SYBU: variants seen among roughly 807,000 people sequenced by gnomAD.
SYBU encodes GOLSYN A protein.
A neutral mutation model predicts 35.9 loss-of-function variants in SYBU; 21 were observed. The ratio of observed to expected loss-of-function variants is 0.58; its 90% CI spans 0.41 to 0.84. The LOEUF is 0.84. Ranked by LOEUF, SYBU falls within the 40% of genes least tolerant of loss-of-function variation. The probability of loss-of-function intolerance (pLI) is 0.00; values close to 1 mark genes in which losing one functional copy is unlikely to be tolerated. For synonymous variants in SYBU, 319 were observed against 324.3 expected (o/e 0.98, Z 0.18); for missense variants, 768 against 848.2 (o/e 0.91, Z 1.17).
intron 6 of SYBU, among the ~76,000 whole-genome samples, chr8:109,577,041 G>A (rs942571926): frequency 6.6e-6 from 1 of 152,164 alleles, no homozygotes; most frequent in Non-Finnish European, 1.5e-5. Flanking sequence ...TCAGACAGAT[G>A]ATGAGCCAGA....
In SYBU at chr8:109,574,972, C is replaced by G; in HGVS notation, c.1926G>C (p.Leu642Phe). The G allele has an allele frequency of 4.6e-6, 7 of 1,528,348 alleles. No individual in the cohort carries two copies. The highest frequency in any genetic ancestry group is 5.3e-6 in the Non-Finnish European group (6 of 1,138,276). 94.7% of individuals were successfully genotyped at this position (1,528,348 alleles called of 1,614,324 possible). A position where few individuals can be genotyped will look rare whatever the true frequency, so the allele number is the denominator to read the frequency against. Residue 642 changes from leucine (L) to phenylalanine (F), a missense_variant, in exon 7 of 7, where the codon TTG becomes TTC. Coordinates refer to ENST00000276646, the MANE Select transcript of SYBU (RefSeq NM_001099754.2). ...GGGCAACCACGCAACAGCCCCTGAGCAAGGCCCCGATGTTATACACAGGAT... is the reference window on the plus strand; with the variant it reads ...GGGCAACCACGCAACAGCCCCTGAGGAAGGCCCCGATGTTATACACAGGAT... ...GTDPVYNIGALLRGCCVVALH... is the reference protein window; with the variant it reads ...GTDPVYNIGAFLRGCCVVALH...
At chr8:109,657,365 A>C (rs551309883) in intron 1 of SYBU, among the ~76,000 whole-genome samples, 1 of 152,272 alleles carries the variant, frequency 6.6e-6, no homozygotes, top group African/African-American at 2.4e-5. Context: ...CTTCCTTTTA[A>C]ATCAGAAAGA....
intron 1 of SYBU, among the ~76,000 whole-genome samples, chr8:109,665,795 C>A (rs569513050): frequency 1.3e-5 from 2 of 152,338 alleles, no homozygotes; most frequent in African/African-American, 4.8e-5. Context: ...TCTCTTCACA[C>A]TTCATCACAT....
chr8:109,600,293 G>A (rs969849420), intron 3 of SYBU, among the ~76,000 whole-genome samples: 11 of 152,090 alleles, frequency 7.2e-5, no homozygotes, highest in South Asian at 2.1e-4. Flanking sequence ...TGCCCTTTAG[G>A]TTGGATTGAC....
intron 2 of SYBU, among the ~76,000 whole-genome samples, chr8:109,638,889 C>G (rs534402798): frequency 3.9e-4 from 60 of 152,028 alleles, no homozygotes; most frequent in African/African-American, 1.4e-3. Flanking sequence ...TTAAAAAAAA[C>G]AAAGCTCTTT....
At chr8:109,599,744 A>C (rs1261974237) in intron 3 of SYBU, among the ~76,000 whole-genome samples, 2 of 152,186 alleles carry the variant, frequency 1.3e-5, no homozygotes, top group African/African-American at 4.8e-5. Flanking sequence ...TCATTAGGCA[A>C]TTCCCTTGTT....
In SYBU at chr8:109,594,806, C is replaced by G. The variant is rs544847681; in HGVS notation, c.428-8644G>C. 5.3e-5 allele frequency among the ~76,000 whole-genome samples: 8 copies of G among 152,300 alleles called. No homozygotes were observed. The South Asian group carries it at 1.7e-3, about 32-fold the overall frequency. ...ACTGGACTCAACCATGCTCCCCTTC[C>G]AATATCTTGACATGCTTTCACCCTC... On this transcript the variant is annotated intron_variant, in intron 3 of 6. Transcript: ENST00000276646.
At chr8:109,651,304 A>G (rs1816124473) in intron 1 of SYBU, among the ~76,000 whole-genome samples, 1 of 152,216 alleles carries the variant, frequency 6.6e-6, no homozygotes, top group African/African-American at 2.4e-5. Context: ...AAGCCCAGCT[A>G]CCAGCTTGCC....
intron 1 of SYBU, 53 bp downstream of exon 1, chr8:109,644,583 G>T (rs1563759007): frequency 3.5e-5 from 54 of 1,528,144 alleles, no homozygotes; most frequent in Non-Finnish European, 4.6e-5. Context: ...TTCTCGCCCC[G>T]CAGTGCCCGC....
intron 2 of SYBU, among the ~76,000 whole-genome samples, chr8:109,641,134 A>G (rs563039027): frequency 4.6e-5 from 7 of 152,298 alleles, no homozygotes; most frequent in African/African-American, 1.7e-4. Flanking sequence ...ACTCCTTTAA[A>G]TTTTACCCAA....
intron 2 of SYBU, among the ~76,000 whole-genome samples, chr8:109,637,336 T>C (rs1443928359): frequency 3.3e-5 from 5 of 152,212 alleles, no homozygotes. Flanking sequence ...CTTTCAGACA[T>C]AGTCCAATTC....
intron 3 of SYBU, among the ~76,000 whole-genome samples, chr8:109,615,831 T>A (rs1445067944): frequency 6.6e-6 from 1 of 152,014 alleles, no homozygotes; most frequent in Non-Finnish European, 1.5e-5. Flanking sequence ...TGAAATGGTA[T>A]GTGATATTTT....
Position 109,575,569 on chromosome 8 carries a change from A to G in SYBU, c.1329T>C (p.Asp443=). The G allele has an allele frequency of 6.2e-7, 1 of 1,610,784 alleles. No homozygotes were observed. The highest frequency in any genetic ancestry group is 1.1e-5 in the South Asian group (1 of 91,004). Residue 443 remains aspartate, a synonymous_variant, in exon 7 of 7, where the codon GAT becomes GAC. Coordinates refer to ENST00000276646, the MANE Select transcript of SYBU (RefSeq NM_001099754.2). ...DSIANSTDLF[D]EIVTATTTES... ...CTGTGGTGGTGGCTGTCACTATCTC[A>G]TCGAACAAATCTGTGCTGTTGGCTA...
At chr8:109,585,931 CA>C (rs1823561959) in intron 4 of SYBU, 128 bp downstream of exon 4, 2 of 679,308 alleles carry the variant, frequency 2.9e-6, no homozygotes, top group Admixed American at 3.0e-5. Flanking sequence ...TGTAAAAAAA[CA>C]AAACAAAAAG....
intron 2 of SYBU, among the ~76,000 whole-genome samples, chr8:109,641,723 C>T (rs2130631008): frequency 6.6e-6 from 1 of 152,250 alleles, no homozygotes; most frequent in Admixed American, 6.5e-5. Context: ...AAATTCAATC[C>T]AATATTTTTT....
intron 1 of SYBU, among the ~76,000 whole-genome samples, chr8:109,667,102 T>C (rs1248037910): frequency 6.6e-6 from 1 of 152,184 alleles, no homozygotes; most frequent in African/African-American, 2.4e-5. Context: ...AAAATTATTG[T>C]TATTACTATT....
At chr8:109,582,547 G>A (rs963336476) in intron 4 of SYBU, among the ~76,000 whole-genome samples, 4 of 152,132 alleles carry the variant, frequency 2.6e-5, no homozygotes, top group African/African-American at 7.2e-5. Flanking sequence ...ACCTGAATAC[G>A]TAACTAGAAG....
chr8:109,593,976 C>T (rs563002160), intron 3 of SYBU, among the ~76,000 whole-genome samples: 1 of 152,358 alleles, frequency 6.6e-6, no homozygotes, highest in East Asian at 1.9e-4. Flanking sequence ...GTACATGGGA[C>T]TTATCTTTGA....
At chr8:109,608,289 C>T (rs1055049384) in intron 3 of SYBU, among the ~76,000 whole-genome samples, 9 of 152,132 alleles carry the variant, frequency 5.9e-5, no homozygotes, top group Non-Finnish European at 7.3e-5. Context: ...AATCCTCGGA[C>T]AATATTGGAC....
Sources: gnomAD v4.1 joint callset for allele counts (sites outside exome capture counted in the v4.1 genomes callset) on GRCh38, gnomAD v4.1.1 for gene constraint, MANE v1.5 for transcripts, NCBI Gene and HGNC (gene_info 2026-07-23, HGNC 2026-07-21) for gene names.